The following ADAM12 variants were observed in gnomAD, a reference collection of about 807,000 sequenced individuals.
The protein encoded by ADAM12 is disintegrin and metalloproteinase domain-containing protein 12.
In ADAM12, 70 loss-of-function variants were observed where a neutral mutation model predicts 106.4. The ratio of observed to expected loss-of-function variants is 0.66; its 90% CI spans 0.54 to 0.80. The LOEUF is 0.80. Ranked by LOEUF, ADAM12 falls within the 30% of genes least tolerant of loss-of-function variation. The probability of loss-of-function intolerance (pLI) is 0.00; values close to 1 mark genes in which losing one functional copy is unlikely to be tolerated. For synonymous variants in ADAM12, 420 were observed against 433.5 expected (o/e 0.97, Z 0.39); for missense variants, 1,010 against 1,171.9 (o/e 0.86, Z 2.02).
At chr10:126,270,064 A>T (rs749678294) in intron 3 of ADAM12, among the ~76,000 whole-genome samples, 2 of 152,190 alleles carry the variant, frequency 1.3e-5, no homozygotes, top group Non-Finnish European at 2.9e-5. Context: ...AAGATCTTAA[A>T]TGTTAAGGTT....
chr10:126,260,167 G>A (rs928009584), intron 3 of ADAM12, among the ~76,000 whole-genome samples: 2 of 152,222 alleles, frequency 1.3e-5, no homozygotes, highest in African/African-American at 2.4e-5. Flanking sequence ...GTGCCAAGTA[G>A]TCTTCACTTG....
At chr10:126,184,874 C>T (rs973006558) in intron 3 of ADAM12, among the ~76,000 whole-genome samples, 5 of 152,128 alleles carry the variant, frequency 3.3e-5, no homozygotes, top group Non-Finnish European at 5.9e-5. Context: ...CTTATTTCTT[C>T]GGGACTCCAT....
At chr10:126,352,385 A>G (rs1182874937) in intron 1 of ADAM12, among the ~76,000 whole-genome samples, 1 of 152,348 alleles carries the variant, frequency 6.6e-6, no homozygotes, top group East Asian at 1.9e-4. Flanking sequence ...TTCCTTCTTA[A>G]ACAAATTTAA....
At chr10:126,025,214 G>A (rs746020944) in intron 21 of ADAM12, among the ~76,000 whole-genome samples, 1 of 152,226 alleles carries the variant, frequency 6.6e-6, no homozygotes, top group Non-Finnish European at 1.5e-5. Flanking sequence ...TGACATGACA[G>A]AAGTAGGCTT....
intron 1 of ADAM12, among the ~76,000 whole-genome samples, chr10:126,382,875 TAATAAG>T (rs1856542377): frequency 1.3e-5 from 2 of 152,216 alleles, no homozygotes; most frequent in Admixed American, 1.3e-4. Flanking sequence ...GAGGACACTA[TAATAAG>T]AATAAAAGAA....
At position 126,046,079 on chromosome 10, in the gene ADAM12, A is replaced by C. The variant is rs1954309711; in HGVS notation, c.1971T>G (p.Cys657Trp). Residue 657 changes from cysteine (C) to tryptophan (W), a missense_variant, in exon 17 of 23, where the codon TGT (cysteine) becomes TGG (tryptophan). Physicochemically the swap from Cys to Trp is radical, Grantham distance 215. This residue lies in a region of ADAM12 where 615 missense variants were observed against 708.5 expected (regional missense o/e 0.87). Transcript: ENST00000448723. ...CCCCTCTGCCGTGGCACTGCATTGC[A>C]CACTCGTGAACCCCAAAGACACTAA... ...QNISVFGVHE[C>W]AMQCHGRGVC... The C allele has an allele frequency of 6.2e-7, 1 of 1,614,110 alleles. No individual in the cohort carries two copies. The highest frequency in any genetic ancestry group is 8.5e-7 in the Non-Finnish European group (1 of 1,180,040).
intron 8 of ADAM12, 57 bp downstream of exon 8, chr10:126,108,536 C>A (rs1374255447): frequency 1.3e-6 from 2 of 1,524,006 alleles, no homozygotes; most frequent in African/African-American, 2.7e-5. Flanking sequence ...GGTCCCCCAA[C>A]CTCATTTCCA....
At chr10:126,367,257 A>G (rs1855943602) in intron 1 of ADAM12, among the ~76,000 whole-genome samples, 1 of 152,016 alleles carries the variant, frequency 6.6e-6, no homozygotes, top group African/African-American at 2.4e-5. Context: ...AGAAATTAAT[A>G]ACAAAAATCT....
chr10:126,251,634 G>A (rs1565168275), intron 3 of ADAM12, among the ~76,000 whole-genome samples: 2 of 12,652 alleles, frequency 1.6e-4, no homozygotes, highest in African/African-American at 4.7e-4. Flanking sequence ...GAATGGATGG[G>A]ATGATGGGAT....
chr10:126,129,367 G>A (rs1478388168), intron 5 of ADAM12, among the ~76,000 whole-genome samples: 1 of 152,236 alleles, frequency 6.6e-6, no homozygotes, highest in Non-Finnish European at 1.5e-5. Context: ...CTCAGAAGAC[G>A]GGTGCATGGC....
chr10:126,050,828 A>G (rs377023653), intron 14 of ADAM12, among the ~76,000 whole-genome samples: 1 of 152,094 alleles, frequency 6.6e-6, no homozygotes. Context: ...CAGCGCTCCA[A>G]TCTCTGCAAT....
intron 3 of ADAM12, among the ~76,000 whole-genome samples, chr10:126,195,411 C>G (rs1480541643): frequency 6.6e-6 from 1 of 152,028 alleles, no homozygotes; most frequent in Admixed American, 6.6e-5. Context: ...CCCATCTCTA[C>G]TAAAAATAGA....
At chr10:126,142,197 C>T (rs1341710379) in intron 4 of ADAM12, among the ~76,000 whole-genome samples, 2 of 152,090 alleles carry the variant, frequency 1.3e-5, no homozygotes, top group Non-Finnish European at 2.9e-5. Context: ...TCCAGCGGCA[C>T]TAGAGGAATT....
intron 18 of ADAM12, chr10:126,041,985 T>C (rs1389370075): frequency 1.4e-6 from 2 of 1,432,442 alleles, no homozygotes; most frequent in Admixed American, 2.9e-5. Context: ...GGACTTCCCC[T>C]CCTGAGCCCC....
At chr10:126,368,356 GTTTTTTTT>G (rs34317249) in intron 1 of ADAM12, among the ~76,000 whole-genome samples, 1 of 118,402 alleles carries the variant, frequency 8.4e-6, no homozygotes, top group Non-Finnish European at 1.8e-5. Context: ...TGTGTGATTT[GTTTTTTTT>G]TTTTTTTTTT....
chr10:126,104,780 G>A (rs944068753), intron 8 of ADAM12, among the ~76,000 whole-genome samples: 7 of 152,126 alleles, frequency 4.6e-5, no homozygotes, highest in Admixed American at 6.5e-5. Flanking sequence ...TAAACCACTC[G>A]TCTGTTTTCC....
At chr10:126,380,590 C>T (rs1232574171) in intron 1 of ADAM12, among the ~76,000 whole-genome samples, 5 of 151,826 alleles carry the variant, frequency 3.3e-5, no homozygotes, top group Admixed American at 6.6e-5. Flanking sequence ...CTGGCACTGA[C>T]GCACTCGACA....
At chr10:126,381,587 C>G (rs1277206508) in intron 1 of ADAM12, among the ~76,000 whole-genome samples, 1 of 152,128 alleles carries the variant, frequency 6.6e-6, no homozygotes, top group African/African-American at 2.4e-5. Flanking sequence ...GCTCTGCCTC[C>G]CAGGTTCAAG....
intron 1 of ADAM12, among the ~76,000 whole-genome samples, chr10:126,346,132 C>T (rs1209960961): frequency 6.6e-6 from 1 of 152,120 alleles, no homozygotes; most frequent in Non-Finnish European, 1.5e-5. Flanking sequence ...AATTTTAGAT[C>T]TTTCCTGCTT....
Sources: gnomAD v4.1 joint callset for allele counts (sites outside exome capture counted in the v4.1 genomes callset) on GRCh38, gnomAD v4.1.1 for gene constraint, gnomAD v4.1.1 regional missense constraint, MANE v1.5 for transcripts, NCBI Gene and HGNC (gene_info 2026-07-23, HGNC 2026-07-21) for gene names.